Variants in ZNF215 observed in about 807,000 individuals in gnomAD.
ZNF215 encodes zinc finger protein 215, also known as BWSCR2-associated zinc finger protein 2.
ZNF215 carries 24 observed loss-of-function variants against 27.2 expected under a neutral mutation model. That is an observed-to-expected ratio of 0.88 (90% CI 0.64 to 1.24). The LOEUF (loss-of-function observed/expected upper bound fraction) is 1.24. ZNF215 is among the 50% of genes most tolerant of loss of function. The probability of loss-of-function intolerance (pLI) is 0.00; values close to 1 mark genes in which losing one functional copy is unlikely to be tolerated. For missense variants in ZNF215, 675 were observed against 605.7 expected (o/e 1.11, Z -1.20); for synonymous variants, 210 against 204.0 (o/e 1.03, Z -0.25).
downstream of ZNF215, among the ~76,000 whole-genome samples, chr11:6,993,341 A>G (rs1851139648): frequency 6.6e-6 from 1 of 152,154 alleles, no homozygotes; most frequent in African/African-American, 2.4e-5. Flanking sequence ...TTTTCTGGCA[A>G]CACTATTTCC....
At chr11:6,934,897 C>A (rs1323195340) in intron 3 of ZNF215, among the ~76,000 whole-genome samples, 1 of 152,106 alleles carries the variant, frequency 6.6e-6, no homozygotes, top group Non-Finnish European at 1.5e-5. Context: ...ATCATTATAG[C>A]CTATTCTTGA....
chr11:6,928,673 T>C lies in ZNF215; in HGVS notation c.-180+866T>C, dbSNP rs1849146107. On this transcript the variant is annotated intron_variant, in intron 2 of 6. Coordinates refer to ENST00000278319, the MANE Select transcript of ZNF215 (RefSeq NM_013250.4). The stretch of plus-strand genomic sequence containing the variant: ...ATTAACATCTCTGTTATTTTTACTT[T>C]TTAGTATAAAGCCTTTTCTGTTTTG... 1.3e-5 allele frequency among the ~76,000 whole-genome samples: 2 copies of C among 152,240 alleles called. 1 individual carries two copies. Among genetic ancestry groups the C allele is most frequent in the South Asian group, 4.1e-4 (2 of 4,834 alleles).
At chr11:6,969,196 C>T (rs1850677149) in intron 5 of ZNF215, among the ~76,000 whole-genome samples, 1 of 152,122 alleles carries the variant, frequency 6.6e-6, no homozygotes, top group Admixed American at 6.5e-5. Context: ...CTCATATTGA[C>T]AATTAGAATC....
rs566122311 is a variant in ZNF215 at position 6,983,746 on chromosome 11, T to G, written c.806-383T>G. Among the ~76,000 whole-genome samples the G allele has an allele frequency of 4.8e-4, 73 of 152,188 alleles. 1 individual carries two copies. In the South Asian group the frequency reaches 0.014, roughly 30 times the overall value. ...AATACGAATAAAACCAAAAATAAAC[T>G]GGGAGAAATAGTTTCATTACATATG... On this transcript the variant is annotated intron_variant, in intron 5 of 5. Coordinates refer to the ZNF215 transcript ENST00000529903.
chr11:6,986,270 C>A (rs1326587903), downstream of ZNF215, among the ~76,000 whole-genome samples: 1 of 151,996 alleles, frequency 6.6e-6, no homozygotes, highest in Non-Finnish European at 1.5e-5. Flanking sequence ...CAACAATAAG[C>A]AATGGTGAAA....
intron 6 of ZNF215, among the ~76,000 whole-genome samples, chr11:6,944,241 A>C (rs1849738596): frequency 6.6e-6 from 1 of 152,112 alleles, no homozygotes; most frequent in African/African-American, 2.4e-5. Flanking sequence ...GCACCACTGC[A>C]CTCCAGCCTG....
intron 6 of ZNF215, among the ~76,000 whole-genome samples, chr11:6,949,187 T>A (rs1263994482): frequency 6.6e-6 from 1 of 151,966 alleles, no homozygotes; most frequent in Non-Finnish European, 1.5e-5. Context: ...TTTGCTATTG[T>A]GAATAGTGCC....
chr11:6,949,890 A>G (rs1849983969), intron 6 of ZNF215, among the ~76,000 whole-genome samples: 1 of 152,154 alleles, frequency 6.6e-6, no homozygotes, highest in Non-Finnish European at 1.5e-5. Context: ...TCTTTAATCC[A>G]TCTTGAATTA....
chr11:6,931,230 A>G (rs1450133134), intron 2 of ZNF215, among the ~76,000 whole-genome samples: 1 of 152,244 alleles, frequency 6.6e-6, no homozygotes, highest in Non-Finnish European at 1.5e-5. Flanking sequence ...AGTGACTCCT[A>G]TAATTTGGCA....
downstream of ZNF215, among the ~76,000 whole-genome samples, chr11:6,959,996 A>G (rs1264473912): frequency 6.6e-6 from 1 of 152,158 alleles, no homozygotes; most frequent in Non-Finnish European, 1.5e-5. Flanking sequence ...TATATATGAT[A>G]TATGTTGATA....
downstream of ZNF215, among the ~76,000 whole-genome samples, chr11:6,986,731 A>G (rs1182442128): frequency 6.6e-6 from 1 of 152,018 alleles, no homozygotes. Flanking sequence ...ATATACAAGC[A>G]GTCAACAAAT....
At chr11:6,941,867 A>C (rs12575773) in intron 4 of ZNF215, among the ~76,000 whole-genome samples, 29 of 152,292 alleles carry the variant, frequency 1.9e-4, no homozygotes, top group Admixed American at 1.9e-3. Flanking sequence ...TATAGTTTCT[A>C]TTTTATCTGT....
chr11:6,990,022 C>G (rs1851100086), downstream of ZNF215, among the ~76,000 whole-genome samples: 1 of 152,210 alleles, frequency 6.6e-6, no homozygotes, highest in Admixed American at 6.5e-5. Flanking sequence ...CCTCCCAGCA[C>G]TACCTTATTG....
At chr11:6,958,278 A>G (rs1046010862), downstream of ZNF215, among the ~76,000 whole-genome samples, 3 of 152,194 alleles carry the variant, frequency 2.0e-5, no homozygotes, top group Non-Finnish European at 4.4e-5. Flanking sequence ...CAATATTTCA[A>G]TTTTTGAAAA....
downstream of ZNF215, among the ~76,000 whole-genome samples, chr11:6,986,264 A>C (rs926888203): frequency 6.6e-6 from 1 of 152,190 alleles, no homozygotes; most frequent in Non-Finnish European, 1.5e-5. Context: ...AATCAACAAC[A>C]ATAAGCAATG....
intron 2 of ZNF215, among the ~76,000 whole-genome samples, chr11:6,930,951 G>C (rs575290595): frequency 2.9e-4 from 44 of 152,274 alleles, no homozygotes; most frequent in Non-Finnish European, 5.1e-4. Context: ...ATTTGGACTG[G>C]GTAATTCTTT....
intron 6 of ZNF215, among the ~76,000 whole-genome samples, chr11:6,955,294 T>A (rs1231181548): frequency 1.3e-5 from 2 of 152,198 alleles, no homozygotes; most frequent in Non-Finnish European, 2.9e-5. Flanking sequence ...TGGTGTTTTA[T>A]AGAAAGGAAT....
intron 6 of ZNF215, among the ~76,000 whole-genome samples, chr11:6,954,397 A>G (rs1276671131): frequency 6.6e-6 from 1 of 152,212 alleles, no homozygotes; most frequent in Non-Finnish European, 1.5e-5. Context: ...CACCCAGTTC[A>G]AGCTTCCTGG....
downstream of ZNF215, among the ~76,000 whole-genome samples, chr11:6,962,945 T>G (rs1025665288): frequency 3.3e-5 from 5 of 152,104 alleles, no homozygotes; most frequent in Non-Finnish European, 7.4e-5. Flanking sequence ...TTGTGTGTCA[T>G]AAGTCCTTGT....
Sources: allele counts gnomAD v4.1 joint callset (sites outside exome capture counted in the v4.1 genomes callset), GRCh38; gene constraint gnomAD v4.1.1; transcripts MANE v1.5; gene names NCBI Gene and HGNC (gene_info 2026-07-23, HGNC 2026-07-21).